The following NLGN1 variants were observed in gnomAD, a reference collection of about 807,000 sequenced individuals.
The protein encoded by NLGN1 is neuroligin-1.
A neutral mutation model predicts 65.5 loss-of-function variants in NLGN1; 12 were observed. The observed-to-expected ratio is 0.18, with a 90% CI of 0.12 to 0.30. The LOEUF is 0.30. NLGN1 is among the 10% of genes least tolerant of loss of function. The pLI, the probability that NLGN1 is intolerant of heterozygous loss-of-function variation, is 1.00. For missense variants in NLGN1, 750 were observed against 1,007.1 expected (o/e 0.74, Z 3.46); for synonymous variants, 350 against 359.5 (o/e 0.97, Z 0.30).
intron 2 of NLGN1, among the ~76,000 whole-genome samples, chr3:173,572,956 C>T (rs1744885431): frequency 6.6e-6 from 1 of 152,078 alleles, no homozygotes; most frequent in Non-Finnish European, 1.5e-5. Context: ...CTAAAGCTAC[C>T]CCAAGTCCCG....
chr3:173,647,068 C>G (rs1758382666), intron 3 of NLGN1, among the ~76,000 whole-genome samples: 1 of 151,990 alleles, frequency 6.6e-6, no homozygotes, highest in Non-Finnish European at 1.5e-5. Context: ...AATTTCAGAA[C>G]AAAGAATATT....
chr3:173,965,843 T>C (rs2152358907), intron 4 of NLGN1, among the ~76,000 whole-genome samples: 1 of 152,274 alleles, frequency 6.6e-6, no homozygotes, highest in African/African-American at 2.4e-5. Context: ...GGGCATGTTT[T>C]GCTATAGTAC....
intron 2 of NLGN1, among the ~76,000 whole-genome samples, chr3:173,521,341 C>T (rs1734724532): frequency 6.6e-6 from 1 of 152,170 alleles, no homozygotes; most frequent in Admixed American, 6.5e-5. Flanking sequence ...TTTGGTGAAG[C>T]CACAGATCAC....
chr3:173,856,734 A>T (rs1211707929), intron 4 of NLGN1, among the ~76,000 whole-genome samples: 1 of 152,070 alleles, frequency 6.6e-6, no homozygotes, highest in Non-Finnish European at 1.5e-5. Context: ...TTCTAAAGAA[A>T]ATGAGAACTG....
chr3:174,114,797 C>A (rs1716027329), intron 4 of NLGN1, among the ~76,000 whole-genome samples: 1 of 151,894 alleles, frequency 6.6e-6, no homozygotes, highest in African/African-American at 2.4e-5. Flanking sequence ...TCATTTTTAC[C>A]CCAATTCGAA....
At chr3:174,164,343 G>A (rs943150558) in intron 4 of NLGN1, among the ~76,000 whole-genome samples, 1 of 151,946 alleles carries the variant, frequency 6.6e-6, no homozygotes, top group Non-Finnish European at 1.5e-5. Context: ...TTTGTCAGAT[G>A]CATAGTTTAC....
chr3:174,113,445 A>T (rs910548145), intron 4 of NLGN1, among the ~76,000 whole-genome samples: 10 of 152,064 alleles, frequency 6.6e-5, no homozygotes, highest in African/African-American at 2.2e-4. Context: ...TATTCAATTC[A>T]AATGTATTCT....
intron 4 of NLGN1, among the ~76,000 whole-genome samples, chr3:174,007,314 G>T (rs139445083): frequency 6.6e-6 from 1 of 152,138 alleles, no homozygotes. Flanking sequence ...TTTTATGGAA[G>T]CCCTAGCAAA....
upstream of NLGN1, among the ~76,000 whole-genome samples, chr3:173,395,992 GGAGA>G (rs1716589652): frequency 6.6e-6 from 1 of 152,072 alleles, no homozygotes; most frequent in Non-Finnish European, 1.5e-5. Flanking sequence ...GAGGGGAGAG[GGAGA>G]GAGAGAAGGT....
At chr3:174,044,844 A>C (rs1004719534) in intron 4 of NLGN1, among the ~76,000 whole-genome samples, 1 of 152,038 alleles carries the variant, frequency 6.6e-6, no homozygotes, top group Admixed American at 6.6e-5. Flanking sequence ...TGCTCTTCTC[A>C]TGATAGTGAA....
intron 3 of NLGN1, among the ~76,000 whole-genome samples, chr3:173,685,278 C>A (rs1056106913): frequency 6.6e-6 from 1 of 152,004 alleles, no homozygotes; most frequent in Non-Finnish European, 1.5e-5. Flanking sequence ...CATTAGAAGC[C>A]CTGTGGACAA....
intron 4 of NLGN1, among the ~76,000 whole-genome samples, chr3:173,997,831 G>A (rs1005698446): frequency 1.3e-5 from 2 of 152,012 alleles, no homozygotes; most frequent in Admixed American, 6.6e-5. Flanking sequence ...CCTTACTGAA[G>A]TAAAATACTA....
intron 3 of NLGN1, among the ~76,000 whole-genome samples, chr3:173,769,286 A>C (rs1399199943): frequency 6.6e-6 from 1 of 152,174 alleles, no homozygotes; most frequent in Non-Finnish European, 1.5e-5. Context: ...AGAAAGACCA[A>C]GCTAATTAAC....
chr3:174,103,187 G>C (rs1024422100), intron 4 of NLGN1, among the ~76,000 whole-genome samples: 1 of 152,118 alleles, frequency 6.6e-6, no homozygotes, highest in African/African-American at 2.4e-5. Flanking sequence ...TTTCTACATA[G>C]AAGTTCCGTG....
chr3:173,570,325 C>G (rs969534931), intron 2 of NLGN1, among the ~76,000 whole-genome samples: 5 of 152,146 alleles, frequency 3.3e-5, no homozygotes, highest in Non-Finnish European at 5.9e-5. Flanking sequence ...TGAAAAGCCA[C>G]AAGTAGCGCA....
intron 4 of NLGN1, among the ~76,000 whole-genome samples, chr3:174,008,441 T>A (rs1400592011): frequency 7.0e-6 from 1 of 143,814 alleles, no homozygotes; most frequent in Non-Finnish European, 1.5e-5. Context: ...TAAAGAAAAC[T>A]CCTGAGTTCC....
intron 4 of NLGN1, among the ~76,000 whole-genome samples, chr3:173,833,926 T>C (rs995185463): frequency 6.6e-6 from 1 of 152,210 alleles, no homozygotes; most frequent in Non-Finnish European, 1.5e-5. Flanking sequence ...ACCAAGACTA[T>C]TGGGTGTTTT....
chr3:174,083,278 G>GTAGC (rs1239933269), intron 4 of NLGN1, among the ~76,000 whole-genome samples: 1 of 152,080 alleles, frequency 6.6e-6, no homozygotes, highest in Non-Finnish European at 1.5e-5. Flanking sequence ...TCAACTCTGT[G>GTAGC]TAGCTCCATT....
At chr3:173,563,195 GC>G (rs1475539484) in intron 2 of NLGN1, among the ~76,000 whole-genome samples, 2 of 152,202 alleles carry the variant, frequency 1.3e-5, no homozygotes, top group East Asian at 3.8e-4. Flanking sequence ...ACATGAGCTG[GC>G]CTGTAGCTTT....
Sources: allele counts gnomAD v4.1 joint callset (sites outside exome capture counted in the v4.1 genomes callset), GRCh38; gene constraint gnomAD v4.1.1; transcripts MANE v1.5; gene names NCBI Gene and HGNC (gene_info 2026-07-23, HGNC 2026-07-21).